Variants in SLC60A1 observed in about 807,000 individuals in gnomAD.
The protein encoded by SLC60A1 is major facilitator superfamily domain containing 4.
chr1:205,599,336 T>A, the SLC60A1 span: 1 of 1,529,698 alleles, frequency 6.5e-7, no homozygotes. Context: ...CTATGGATCT[T>A]AACGTGCCAG....
chr1:205,569,369 C>T, the SLC60A1 span: 15 of 1,149,502 alleles, frequency 1.3e-5, no homozygotes, highest in Non-Finnish European at 1.7e-5. Flanking sequence ...CGACCCTTCC[C>T]TCCCGCCCCG....
At chr1:205,599,075 A>C in the SLC60A1 span, 1 of 1,606,544 alleles carries the variant, frequency 6.2e-7, no homozygotes. Context: ...TTCCTCCGAT[A>C]CACCTTCCAC....
At chr1:205,592,040 G>GAGGAAACGCCAAGCC in the SLC60A1 span, 19 of 1,517,028 alleles carry the variant, frequency 1.3e-5, 1 homozygote, top group East Asian at 4.1e-4. Context: ...TTGGGCTAGA[G>GAGGAAACGCCAAGCC]AGGAAACGCC....
the SLC60A1 span, among the ~76,000 whole-genome samples, chr1:205,572,028 T>C: frequency 6.6e-6 from 1 of 152,240 alleles, no homozygotes; most frequent in Non-Finnish European, 1.5e-5. Flanking sequence ...AGAATGGGGC[T>C]TGTGGATGCC....
chr1:205,569,423 C>A, the SLC60A1 span: 3 of 586,088 alleles, frequency 5.1e-6, no homozygotes, highest in African/African-American at 6.0e-5. Context: ...CCCGTCGCCC[C>A]CGCCTCCCGG....
the SLC60A1 span, chr1:205,601,490 A>T: frequency 6.6e-6 from 1 of 152,206 alleles, no homozygotes; most frequent in Non-Finnish European, 1.5e-5. Flanking sequence ...TGGATGTTCC[A>T]TTTTTTTCTA....
chr1:205,602,353 T>G, the SLC60A1 span: 2 of 152,676 alleles, frequency 1.3e-5, no homozygotes, highest in Non-Finnish European at 2.9e-5. Context: ...GCTCAAGTGC[T>G]GGCTCACCTT....
chr1:205,577,736 C>A, the SLC60A1 span, among the ~76,000 whole-genome samples: 1 of 152,286 alleles, frequency 6.6e-6, no homozygotes, highest in East Asian at 1.9e-4. The surrounding 1 kb of genome is among the most constrained non-coding windows in gnomAD (Gnocchi z 5.2). Flanking sequence ...TACACATGCA[C>A]CCACATGTGC....
chr1:205,570,739 A>T, the SLC60A1 span, among the ~76,000 whole-genome samples: 24 of 152,364 alleles, frequency 1.6e-4, no homozygotes, highest in Middle Eastern at 0.017. Context: ...CTCAAGATTC[A>T]TTCTGCCTAG....
chr1:205,577,992 C>G, the SLC60A1 span, among the ~76,000 whole-genome samples: 1 of 152,232 alleles, frequency 6.6e-6, no homozygotes, highest in Non-Finnish European at 1.5e-5. This position sits in a 1 kb window ranked among gnomAD's most constrained non-coding sequence, Gnocchi z 5.2. Context: ...TTTCCCATAC[C>G]TCTGCGCAGC....
the SLC60A1 span, chr1:205,597,754 C>A: frequency 6.2e-7 from 1 of 1,612,694 alleles, no homozygotes; most frequent in African/African-American, 1.3e-5. Context: ...TTGCTTTTAC[C>A]AAACCAAACC....
At chr1:205,583,714 A>G in the SLC60A1 span, among the ~76,000 whole-genome samples, 1 of 152,136 alleles carries the variant, frequency 6.6e-6, no homozygotes, top group Non-Finnish European at 1.5e-5. Context: ...CATGCGACAA[A>G]TATCTGTCTT....
the SLC60A1 span, among the ~76,000 whole-genome samples, chr1:205,588,678 T>C: frequency 6.6e-6 from 1 of 152,130 alleles, no homozygotes; most frequent in African/African-American, 2.4e-5. Context: ...CTGTGTCATA[T>C]TCACTGTGAC....
chr1:205,584,523 C>T, the SLC60A1 span, among the ~76,000 whole-genome samples: 1 of 146,858 alleles, frequency 6.8e-6, no homozygotes, highest in Non-Finnish European at 1.5e-5. Flanking sequence ...CATGCCTGGC[C>T]ACAGGTGATA....
chr1:205,574,018 G>A, the SLC60A1 span, among the ~76,000 whole-genome samples: 5 of 152,004 alleles, frequency 3.3e-5, no homozygotes, highest in Non-Finnish European at 7.4e-5. Context: ...TTTCTTTTTG[G>A]GGTGACAGAA....
At chr1:205,596,114 T>G in the SLC60A1 span, among the ~76,000 whole-genome samples, 125 of 152,042 alleles carry the variant, frequency 8.2e-4, no homozygotes, top group East Asian at 0.022. Flanking sequence ...AAGTCCAGAG[T>G]AGACAATGAT....
the SLC60A1 span, among the ~76,000 whole-genome samples, chr1:205,586,697 C>T: frequency 0.72 from 107,882 of 149,118 alleles, 40,063 homozygotes; most frequent in Non-Finnish European, 0.81. Context: ...TCCTAGGTGA[C>T]TCTTTTTTTT....
the SLC60A1 span, among the ~76,000 whole-genome samples, chr1:205,593,601 T>G: frequency 1.1e-4 from 16 of 152,192 alleles, no homozygotes; most frequent in African/African-American, 3.6e-4. Flanking sequence ...CCCAGACAAT[T>G]TTAGCACATA....
the SLC60A1 span, among the ~76,000 whole-genome samples, chr1:205,569,701 C>CCCGGCTG: frequency 6.6e-6 from 1 of 151,978 alleles, no homozygotes; most frequent in Non-Finnish European, 1.5e-5. Flanking sequence ...TGTCAGTAGC[C>CCCGGCTG]CCGGCTGCCG....
Sources: allele counts gnomAD v4.1 joint callset (sites outside exome capture counted in the v4.1 genomes callset), GRCh38; gene constraint gnomAD v4.1.1; non-coding constraint Gnocchi (gnomAD v3.1); transcripts MANE v1.5; gene names NCBI Gene and HGNC (gene_info 2026-07-23, HGNC 2026-07-21).